The following TRPM7 variants were observed in gnomAD, a reference collection of about 807,000 sequenced individuals.
The protein encoded by TRPM7 is LTRPC ion channel family member 7.
Under a neutral mutation model 229.7 loss-of-function variants are expected in TRPM7, and 134 were observed. The observed-to-expected ratio is 0.58, with a 90% CI of 0.51 to 0.67. The LOEUF is 0.67. Among genes scored for constraint, TRPM7 ranks in the 30% least tolerant of loss-of-function variants. TRPM7 has a pLI of 0.00. For synonymous variants in TRPM7, 699 were observed against 715.2 expected (o/e 0.98, Z 0.36); for missense variants, 1,901 against 2,210.0 (o/e 0.86, Z 2.80).
intron 11 of TRPM7, 145 bp downstream of exon 11, chr15:50,628,004 C>G: frequency 1.6e-6 from 1 of 617,188 alleles, no homozygotes; most frequent in Non-Finnish European, 2.9e-6. Context: ...TAAACTGGAT[C>G]GGAATGGTGT....
At chr15:50,588,137 T>G in intron 27 of TRPM7, 2 of 759,552 alleles carry the variant, frequency 2.6e-6, no homozygotes, top group Non-Finnish European at 3.2e-6. Flanking sequence ...TAAAAGCACA[T>G]GGGTATATTT....
At chr15:50,565,846 C>T (rs1265007739) in intron 38 of TRPM7, among the ~76,000 whole-genome samples, 13 of 148,034 alleles carry the variant, frequency 8.8e-5, no homozygotes, top group South Asian at 2.1e-4. Context: ...TTTTTTGAGA[C>T]GGAGTCTTGC....
chr15:50,601,897 C>G (rs908408273), intron 21 of TRPM7, among the ~76,000 whole-genome samples: 1 of 150,362 alleles, frequency 6.7e-6, no homozygotes, highest in African/African-American at 2.4e-5. Context: ...TCAAGCTTTT[C>G]AAAGCTGTTT....
rs763954663 is a variant in TRPM7 at position 50,578,600 on chromosome 15, T to A, written c.4618+39A>T. The stretch of plus-strand genomic sequence containing the variant: ...TTTGCTGTAACAGATCATGTAAGAT[T>A]CTCATTTTTTTCACGTTCAATCTAC... On this transcript the variant is annotated intron_variant, in intron 31 of 38. Coordinates refer to ENST00000646667, the MANE Select transcript of TRPM7 (RefSeq NM_017672.6). The A allele has an allele frequency of 9.4e-6, 15 of 1,596,696 alleles. No homozygotes were observed. In the South Asian group the frequency reaches 1.7e-4, roughly 18 times the overall value.
chr15:50,636,223 T>C (rs2060902788), intron 7 of TRPM7, among the ~76,000 whole-genome samples: 1 of 151,370 alleles, frequency 6.6e-6, no homozygotes, highest in Non-Finnish European at 1.5e-5. Flanking sequence ...TCTTGCTCTG[T>C]CAACCAGGCT....
intron 1 of TRPM7, among the ~76,000 whole-genome samples, chr15:50,672,999 AAG>A (rs1369804107): frequency 2.6e-5 from 4 of 151,824 alleles, no homozygotes; most frequent in Admixed American, 1.3e-4. Flanking sequence ...GTGTTATTAC[AAG>A]AGTCAAAAAG....
intron 5 of TRPM7, among the ~76,000 whole-genome samples, chr15:50,640,896 A>G (rs1366267963): frequency 6.6e-6 from 1 of 152,200 alleles, no homozygotes; most frequent in African/African-American, 2.4e-5. Context: ...AGAGGCCCCA[A>G]GATAAACCAA....
chr15:50,589,879 AACAAG>A (rs2059442390), intron 26 of TRPM7, among the ~76,000 whole-genome samples: 1 of 130,172 alleles, frequency 7.7e-6, no homozygotes, highest in Non-Finnish European at 1.8e-5. Context: ...TAAATTTGAG[AACAAG>A]TCTCGTTCTG....
At chr15:50,682,071 G>A (rs1451131351) in intron 1 of TRPM7, among the ~76,000 whole-genome samples, 1 of 150,280 alleles carries the variant, frequency 6.7e-6, no homozygotes, top group Admixed American at 6.7e-5. Flanking sequence ...CCAGCTACTC[G>A]AGAGGCTGAG....
chr15:50,594,489 C>A lies in TRPM7; in HGVS notation c.3415G>T (p.Val1139Phe). The change falls in exon 24 of 39, where the codon GTT becomes TTT. Residue 1139 changes from valine (V) to phenylalanine (F), a missense_variant. Physicochemically the swap from Val to Phe is conservative, Grantham distance 50. Around this residue, in one of 8 missense-constraint regions of TRPM7, gnomAD observed 533 missense variants for 497.1 expected, o/e 1.07. Coordinates refer to ENST00000646667, the MANE Select transcript of TRPM7 (RefSeq NM_017672.6). ...PPPLIILSHIVSLFCCICKRR... is the reference protein window; with the variant it reads ...PPPLIILSHIFSLFCCICKRR... ...TTACATATGCAGCAAAACAGAGAAA[C>A]TATATGGCTAAGAATGATAAGTGGA... The A allele has an allele frequency of 6.2e-7, 1 of 1,613,194 alleles. No homozygotes were observed. Among genetic ancestry groups the A allele is most frequent in the Non-Finnish European group, 8.5e-7 (1 of 1,179,678 alleles).
intron 6 of TRPM7, among the ~76,000 whole-genome samples, chr15:50,638,225 A>G (rs926572532): frequency 6.6e-6 from 1 of 150,616 alleles, no homozygotes; most frequent in African/African-American, 2.4e-5. Context: ...CGGGCGTGGT[A>G]GCGGGCGCCT....
chr15:50,681,981 C>G (rs1596357668), intron 1 of TRPM7, among the ~76,000 whole-genome samples: 1 of 152,002 alleles, frequency 6.6e-6, no homozygotes, highest in East Asian at 1.9e-4. Context: ...AGTTCAAGAC[C>G]AGCCTGGCCA....
In TRPM7 at chr15:50,594,617, G is replaced by C. The variant is rs2059588935; in HGVS notation, c.3291-4C>G. 1 of 1,540,188 alleles carries C rather than the reference G, an allele frequency of 6.5e-7. No individual in the cohort carries two copies. The highest frequency in any genetic ancestry group is 8.8e-7 in the Non-Finnish European group (1 of 1,139,436). ...CTTCACTTGTAAATACACATTGCTAGAGAAATAATGAATAAAAATAAAATA... is the reference window on the plus strand; with the variant it reads ...CTTCACTTGTAAATACACATTGCTACAGAAATAATGAATAAAAATAAAATA... On this transcript the variant is annotated splice_region_variant and splice_polypyrimidine_tract_variant and intron_variant, in intron 23 of 38. Transcript: ENST00000646667.
intron 1 of TRPM7, among the ~76,000 whole-genome samples, chr15:50,674,310 T>G (rs2140966218): frequency 6.6e-6 from 1 of 152,148 alleles, no homozygotes; most frequent in Non-Finnish European, 1.5e-5. Flanking sequence ...TTTTGTATTT[T>G]TAGTAGAGAT....
chr15:50,673,812 C>G (rs1410788303), intron 1 of TRPM7, among the ~76,000 whole-genome samples: 1 of 152,156 alleles, frequency 6.6e-6, no homozygotes, highest in African/African-American at 2.4e-5. Context: ...ACTGCTGTAT[C>G]AAATGGTATC....
At chr15:50,650,012 T>C (rs185866468) in intron 3 of TRPM7, among the ~76,000 whole-genome samples, 8 of 151,674 alleles carry the variant, frequency 5.3e-5, no homozygotes, top group East Asian at 2.0e-4. Flanking sequence ...CTGGCCAACA[T>C]GGTGAACCGT....
intron 1 of TRPM7, among the ~76,000 whole-genome samples, chr15:50,670,246 A>G (rs930032446): frequency 6.6e-6 from 1 of 152,112 alleles, no homozygotes; most frequent in Non-Finnish European, 1.5e-5. Context: ...AGAAGGGGGG[A>G]AACGTCAGAG....
At chr15:50,655,304 G>A (rs1040700326) in intron 3 of TRPM7, among the ~76,000 whole-genome samples, 2 of 151,504 alleles carry the variant, frequency 1.3e-5, no homozygotes, top group East Asian at 3.9e-4. Context: ...ATGGTGGCAT[G>A]CGTCTGTAAT....
chr15:50,634,317 T>A (rs1299251373), intron 8 of TRPM7, 65 bp downstream of exon 8: 8 of 1,242,116 alleles, frequency 6.4e-6, no homozygotes, highest in Non-Finnish European at 8.4e-6. Flanking sequence ...ACAGCAAGAC[T>A]CCGTATCAAA....
Sources: gnomAD v4.1 joint callset for allele counts (sites outside exome capture counted in the v4.1 genomes callset) on GRCh38, gnomAD v4.1.1 for gene constraint, gnomAD v4.1.1 regional missense constraint, MANE v1.5 for transcripts, NCBI Gene and HGNC (gene_info 2026-07-23, HGNC 2026-07-21) for gene names.